RNF180: variants seen among roughly 807,000 people sequenced by gnomAD.
The protein encoded by RNF180 is ring finger protein 180.
In RNF180, 38 loss-of-function variants were observed where a neutral mutation model predicts 59.2. The observed-to-expected ratio is 0.64, with a 90% CI of 0.50 to 0.84. RNF180 has a LOEUF of 0.84. Among genes scored for constraint, RNF180 ranks in the 40% least tolerant of loss-of-function variants. RNF180 has a pLI of 0.00. For missense variants in RNF180, 705 were observed against 700.9 expected, an observed-to-expected ratio of 1.01 and a Z score of -0.07; for synonymous variants, 262 against 240.3, an observed-to-expected ratio of 1.09 and a Z score of -0.84.
At chr5:64,279,733 A>G (rs1390224921) in intron 5 of RNF180, among the ~76,000 whole-genome samples, 1 of 152,188 alleles carries the variant, frequency 6.6e-6, no homozygotes, top group Non-Finnish European at 1.5e-5. Context: ...TAATCCTACT[A>G]CATCCTATGA....
At chr5:64,283,471 T>C (rs1358035648) in intron 5 of RNF180, among the ~76,000 whole-genome samples, 1 of 152,136 alleles carries the variant, frequency 6.6e-6, no homozygotes, top group Non-Finnish European at 1.5e-5. Flanking sequence ...GCTTGTTTAC[T>C]GATATGGTTT....
intron 5 of RNF180, among the ~76,000 whole-genome samples, chr5:64,238,068 C>T (rs1489646571): frequency 6.6e-6 from 1 of 152,176 alleles, no homozygotes; most frequent in Non-Finnish European, 1.5e-5. Flanking sequence ...GTTTTAGATA[C>T]CTCATATAAG....
chr5:64,263,101 G>A (rs17797155), intron 5 of RNF180, among the ~76,000 whole-genome samples: 3,047 of 152,310 alleles, frequency 0.02, 56 homozygotes, highest in Middle Eastern at 0.051. Flanking sequence ...ACTTGTCGGA[G>A]AATGAGTTTC....
Position 64,241,509 on chromosome 5 carries a change from A to G in RNF180, c.1227+24113A>G, listed in dbSNP as rs569864076. ...TTAGTACATAAGGAAATGAACCCCAATTTATTTGAGCTGCATATGATAACT... is the reference window on the plus strand; with the variant it reads ...TTAGTACATAAGGAAATGAACCCCAGTTTATTTGAGCTGCATATGATAACT... On this transcript the variant is annotated intron_variant, in intron 5 of 7. Coordinates refer to ENST00000389100, the MANE Select transcript of RNF180 (RefSeq NM_001113561.2). Among the ~76,000 whole-genome samples the G allele has an allele frequency of 2.0e-5, 3 of 152,190 alleles. No individual in the cohort carries two copies. The South Asian group carries it at 6.2e-4, about 32-fold the overall frequency.
chr5:64,166,644 C>T lies in RNF180; in HGVS notation c.-1+691C>T, dbSNP rs181412101. ...GAGATAGTGCTCATTATTTTCGTAG[C>T]ATCTAACAGTTGTAAGTGTATCTGT... On this transcript the variant is annotated intron_variant, in intron 1 of 7. Coordinates refer to ENST00000389100, the MANE Select transcript of RNF180 (RefSeq NM_001113561.2). Among the ~76,000 whole-genome samples, 246 of 152,294 alleles carry T rather than the reference C, an allele frequency of 1.6e-3. 4 individuals carry two copies. Among genetic ancestry groups the T allele is most frequent in the South Asian group, 2.7e-3 (13 of 4,820 alleles).
intron 1 of RNF180, among the ~76,000 whole-genome samples, chr5:64,175,357 A>G (rs1052714613): frequency 6.6e-6 from 1 of 152,068 alleles, no homozygotes; most frequent in African/African-American, 2.4e-5. Context: ...CAGTTTTTCC[A>G]GTATCATTTA....
rs546779478 is a variant in RNF180 at position 64,171,842 on chromosome 5, G to A, written c.-1+5889G>A. ...AATTTTTAGAGGCCTTCTCCACCCCGCCCCCCCACCAATAACTAACAGCAT... is the reference window on the plus strand; with the variant it reads ...AATTTTTAGAGGCCTTCTCCACCCCACCCCCCCACCAATAACTAACAGCAT... On this transcript the variant is annotated intron_variant, in intron 1 of 7. Coordinates refer to ENST00000389100, the MANE Select transcript of RNF180 (RefSeq NM_001113561.2). Among the ~76,000 whole-genome samples, 27 of 150,942 alleles carry A rather than the reference G, an allele frequency of 1.8e-4. No homozygotes were observed. The South Asian group carries it at 4.9e-3, about 27-fold the overall frequency.
chr5:64,217,448 G>A (rs1262018994), intron 5 of RNF180, 52 bp downstream of exon 5: 3 of 1,341,802 alleles, frequency 2.2e-6, no homozygotes, highest in Non-Finnish European at 2.9e-6. Flanking sequence ...TTCCAGAATG[G>A]CTGTACCATT....
chr5:64,328,419 A>G (rs1744752297), intron 6 of RNF180, among the ~76,000 whole-genome samples: 1 of 152,240 alleles, frequency 6.6e-6, no homozygotes, highest in South Asian at 2.1e-4. Flanking sequence ...GGCAGTGGGA[A>G]AAGTGGACTT....
upstream of RNF180, among the ~76,000 whole-genome samples, chr5:64,165,686 G>A (rs913658917): frequency 1.3e-5 from 2 of 152,134 alleles, no homozygotes; most frequent in African/African-American, 4.8e-5. Flanking sequence ...CCGCCCACGC[G>A]CGGCTCGGGT....
intron 5 of RNF180, among the ~76,000 whole-genome samples, chr5:64,249,399 A>G (rs571120489): frequency 1.3e-4 from 20 of 152,258 alleles, no homozygotes; most frequent in African/African-American, 4.8e-4. Context: ...GCCAGGATAG[A>G]GTGGGATGAT....
In RNF180 at chr5:64,370,090, T is replaced by C. The variant is rs534178678; in HGVS notation, c.*276T>C. 1.4e-4 allele frequency: 30 copies of C among 212,244 alleles called. No homozygotes were observed. The South Asian group carries it at 4.9e-3, about 35-fold the overall frequency. The allele number at this position is 212,244 out of a possible 1,614,324, so 13.1% of individuals were successfully genotyped here. On this transcript the variant is annotated 3_prime_UTR_variant, in exon 8 of 8. Transcript: ENST00000389100. ...GATTTGGGGCTCTGATTTTATAATA[T>C]CACTTTAATACTTATTTTGATTGTA...
At chr5:64,267,873 T>G (rs995241260) in intron 5 of RNF180, among the ~76,000 whole-genome samples, 29 of 152,292 alleles carry the variant, frequency 1.9e-4, no homozygotes, top group Non-Finnish European at 4.0e-4. Context: ...ATCTTTAATT[T>G]CTGGTGACAG....
chr5:64,272,121 G>A (rs1741444711), intron 5 of RNF180, among the ~76,000 whole-genome samples: 2 of 152,078 alleles, frequency 1.3e-5, no homozygotes, highest in African/African-American at 4.8e-5. Flanking sequence ...AAGGTCTAGT[G>A]AGAGTGGCAC....
chr5:64,201,235 G>A (rs1249084643), intron 2 of RNF180, among the ~76,000 whole-genome samples: 1 of 152,178 alleles, frequency 6.6e-6, no homozygotes, highest in African/African-American at 2.4e-5. Flanking sequence ...AATAGTCAAT[G>A]TTTTTTATTC....
chr5:64,207,147 A>G, intron 2 of RNF180, among the ~76,000 whole-genome samples: 1 of 152,014 alleles, frequency 6.6e-6, no homozygotes, highest in Middle Eastern at 3.4e-3. Flanking sequence ...TTATAACTTA[A>G]TAGTGAAATA....
intron 5 of RNF180, among the ~76,000 whole-genome samples, chr5:64,233,276 T>G (rs1441413931): frequency 2.0e-5 from 3 of 152,202 alleles, no homozygotes; most frequent in Non-Finnish European, 4.4e-5. Context: ...ATTTTAAGTG[T>G]TAAAGCATTA....
chr5:64,308,267 A>C (rs1364769822), intron 5 of RNF180, among the ~76,000 whole-genome samples: 1 of 151,714 alleles, frequency 6.6e-6, no homozygotes, highest in East Asian at 1.9e-4. Context: ...CAAAATCAGT[A>C]CTCACAGTGC....
In RNF180 at chr5:64,260,406, C is replaced by A. The variant is rs531088781; in HGVS notation, c.1227+43010C>A. Among the ~76,000 whole-genome samples the A allele has an allele frequency of 2.0e-5, 3 of 152,202 alleles. No homozygotes were observed. The South Asian group carries it at 6.2e-4, about 32-fold the overall frequency. On this transcript the variant is annotated intron_variant, in intron 5 of 7. Coordinates refer to ENST00000389100, the MANE Select transcript of RNF180 (RefSeq NM_001113561.2). ...AGTTATTTGTAAAAGAATAGTCTTT[C>A]TTTTGAAGTAAATTATTTCATATTT...
Sources: gnomAD v4.1 joint callset for allele counts (sites outside exome capture counted in the v4.1 genomes callset) on GRCh38, gnomAD v4.1.1 for gene constraint, MANE v1.5 for transcripts, NCBI Gene and HGNC (gene_info 2026-07-23, HGNC 2026-07-21) for gene names.